CD86: variants seen among roughly 807,000 people sequenced by gnomAD.
The protein encoded by CD86 is CD86 molecule.
In CD86, 11 loss-of-function variants were observed where a neutral mutation model predicts 32.1. The ratio of observed to expected loss-of-function variants is 0.34; its 90% CI spans 0.22 to 0.57. The LOEUF (loss-of-function observed/expected upper bound fraction) is 0.57, where lower values mean the gene tolerates loss of function less well. Among genes scored for constraint, CD86 ranks in the 20% least tolerant of loss-of-function variants. CD86 has a pLI of 0.86. For synonymous variants in CD86, 137 were observed against 135.3 expected (o/e 1.01, Z -0.09); for missense variants, 359 against 398.4 (o/e 0.90, Z 0.84).
At chr3:122,077,981 G>T in intron 1 of CD86, 2 of 985,642 alleles carry the variant, frequency 2.0e-6, no homozygotes, top group Non-Finnish European at 1.2e-6. Context: ...TGTTCCTTGG[G>T]AATGCTGCTG....
chr3:122,086,774 C>G (rs2072728742), intron 1 of CD86, among the ~76,000 whole-genome samples: 1 of 152,202 alleles, frequency 6.6e-6, no homozygotes, highest in African/African-American at 2.4e-5. Flanking sequence ...TGAGAGTCCT[C>G]TCGATTCCAG....
intron 4 of CD86, among the ~76,000 whole-genome samples, chr3:122,107,339 A>G (rs1160241775): frequency 1.3e-5 from 2 of 152,216 alleles, no homozygotes; most frequent in African/African-American, 2.4e-5. Flanking sequence ...ACCACAGTGG[A>G]TCAGCTGTAT....
intron 4 of CD86, among the ~76,000 whole-genome samples, chr3:122,108,816 A>G (rs1382928186): frequency 6.6e-6 from 1 of 152,208 alleles, no homozygotes; most frequent in Non-Finnish European, 1.5e-5. Flanking sequence ...CATTTGTCCA[A>G]GTGAGAGGTG....
At chr3:122,105,288 G>A (rs946365008) in intron 3 of CD86, among the ~76,000 whole-genome samples, 17 of 152,312 alleles carry the variant, frequency 1.1e-4, no homozygotes, top group African/African-American at 3.8e-4. Context: ...GCTAAACACG[G>A]TCTGGCAATT....
intron 5 of CD86, among the ~76,000 whole-genome samples, chr3:122,114,577 A>G (rs555575168): frequency 5.3e-5 from 8 of 152,314 alleles, no homozygotes; most frequent in Middle Eastern, 3.4e-3. Context: ...ATTGCAAGAA[A>G]AGAAAACTAC....
rs917180540 is a variant in CD86, at chr3:122,119,651, G to A, written c.*117G>A. ...AAAGACATTACCATGAGTAATAAGG[G>A]GGCTCCAGGACTCCCTCTAAGTGGA... On this transcript the variant is annotated 3_prime_UTR_variant, in exon 7 of 7. Coordinates refer to ENST00000330540, the MANE Select transcript of CD86 (RefSeq NM_175862.5). 1.2e-5 allele frequency: 8 copies of A among 657,100 alleles called. No homozygotes were observed. Among genetic ancestry groups the A allele is most frequent in the Admixed American group, 2.7e-5 (1 of 37,198 alleles). 40.7% of individuals were successfully genotyped at this position (657,100 alleles called of 1,614,324 possible). A position where few individuals can be genotyped will look rare whatever the true frequency, so the allele number is the denominator to read the frequency against.
chr3:122,067,916 A>C (rs781077866), intron 1 of CD86, among the ~76,000 whole-genome samples: 2 of 152,164 alleles, frequency 1.3e-5, no homozygotes, highest in African/African-American at 4.8e-5. Flanking sequence ...AGGGAGCTGC[A>C]AAAATTGCAA....
intron 1 of CD86, among the ~76,000 whole-genome samples, chr3:122,062,810 A>T (rs982049350): frequency 6.6e-6 from 1 of 152,196 alleles, no homozygotes; most frequent in Admixed American, 6.5e-5. Context: ...AATGGACAGG[A>T]AGTCCTATGG....
rs1288688646 is a variant in CD86 at position 122,121,109 on chromosome 3, A to G, written c.*1575A>G. 2 of 152,388 alleles carry G rather than the reference A, an allele frequency of 1.3e-5. No homozygotes were observed. The highest frequency in any genetic ancestry group is 3.9e-4 in the East Asian group (2 of 5,190). 9.4% of individuals were successfully genotyped at this position (152,388 alleles called of 1,614,324 possible). ...GTTTCTAACATGTTTTGTGCAGCAC[A>G]GTTTTTAATAAATGCTTGTTACATT... On this transcript the variant is annotated 3_prime_UTR_variant, in exon 7 of 7. Transcript: ENST00000330540.
intron 1 of CD86, among the ~76,000 whole-genome samples, chr3:122,061,066 T>C (rs1395937309): frequency 6.6e-6 from 1 of 152,166 alleles, no homozygotes; most frequent in Non-Finnish European, 1.5e-5. Context: ...CTCTATATTA[T>C]TAGGTGTCGA....
intron 5 of CD86, among the ~76,000 whole-genome samples, chr3:122,114,923 G>A (rs1298946477): frequency 6.6e-6 from 1 of 152,200 alleles, no homozygotes; most frequent in Admixed American, 6.5e-5. Context: ...AATATTTCAT[G>A]ATAGAAGACT....
chr3:122,083,094 T>C (rs2072656889), intron 1 of CD86, among the ~76,000 whole-genome samples: 1 of 152,222 alleles, frequency 6.6e-6, no homozygotes, highest in Non-Finnish European at 1.5e-5. Flanking sequence ...CACCTGCTAC[T>C]ATCCCAGACC....
At chr3:122,064,886 T>A (rs574445086) in intron 1 of CD86, among the ~76,000 whole-genome samples, 126 of 152,316 alleles carry the variant, frequency 8.3e-4, no homozygotes, top group African/African-American at 2.9e-3. Flanking sequence ...ATTAATTTAT[T>A]CAATAAAGTT....
intron 5 of CD86, 64 bp from the exon 6 acceptor site, chr3:122,117,984 A>G (rs1421630501): frequency 4.2e-6 from 6 of 1,429,746 alleles, no homozygotes; most frequent in Non-Finnish European, 5.9e-6. Context: ...AGCCTTTTCA[A>G]ACTTTCCTTC....
At chr3:122,109,535 G>C in intron 5 of CD86, 127 bp downstream of exon 5, 2 of 1,097,834 alleles carry the variant, frequency 1.8e-6, no homozygotes, top group Non-Finnish European at 2.7e-6. Flanking sequence ...TGGGAAAAAA[G>C]GTTTTCCCTT....
rs574249169 is a variant in CD86 at position 122,082,111 on chromosome 3, G to T, written c.15-9490G>T. ...GAGTTCAACCACTTACTCAATTCGA[G>T]ATTCGCTCCTAAAATGTCTCTTCTG... On this transcript the variant is annotated intron_variant, in intron 1 of 6. Transcript: ENST00000330540. Among the ~76,000 whole-genome samples the T allele has an allele frequency of 5.9e-5, 9 of 152,292 alleles. No homozygotes were observed. In the East Asian group the frequency reaches 1.7e-3, roughly 29 times the overall value.
chr3:122,106,236 A>G lies in CD86; in HGVS notation c.439A>G (p.Ile147Val), dbSNP rs1483232927. The G allele has an allele frequency of 6.2e-7, 1 of 1,610,016 alleles. No homozygotes were observed. The highest frequency in any genetic ancestry group is 1.3e-5 in the African/African-American group (1 of 74,724). The change falls in exon 4 of 7, where the codon ATA becomes GTA. Residue 147 changes from isoleucine (I) to valine (V), a missense_variant. By Grantham distance (29) the Ile-to-Val change is conservative. Coordinates refer to ENST00000330540, the MANE Select transcript of CD86 (RefSeq NM_175862.5). ...SQPEIVPISN[I>V]TENVYINLTC... ...ACCTGAAATAGTACCAATTTCTAAT[A>G]TAACAGAAAATGTGTACATAAATTT... is the stretch of plus-strand genomic sequence containing the variant.
chr3:122,066,198 T>G (rs1043411118), intron 1 of CD86, among the ~76,000 whole-genome samples: 106 of 152,308 alleles, frequency 7.0e-4, no homozygotes, highest in African/African-American at 2.3e-3. Context: ...TTTCCTATGA[T>G]TAAAGGAACT....
intron 1 of CD86, among the ~76,000 whole-genome samples, chr3:122,056,279 C>T (rs1349022403): frequency 3.3e-5 from 5 of 152,168 alleles, no homozygotes; most frequent in Non-Finnish European, 4.4e-5. Flanking sequence ...GAAGGAGTCA[C>T]ACCCGCCCTT....
Sources: gnomAD v4.1 joint callset for allele counts (sites outside exome capture counted in the v4.1 genomes callset) on GRCh38, gnomAD v4.1.1 for gene constraint, MANE v1.5 for transcripts, NCBI Gene and HGNC (gene_info 2026-07-23, HGNC 2026-07-21) for gene names.